The following PLOD1 variants were observed in gnomAD, a reference collection of about 807,000 sequenced individuals.
The protein encoded by PLOD1 is lysine hydroxylase.
PLOD1 carries 70 observed loss-of-function variants against 94.7 expected under a neutral mutation model. The observed-to-expected ratio is 0.74, with a 90% CI of 0.61 to 0.90. The LOEUF is 0.90. PLOD1 is among the 40% of genes least tolerant of loss of function. The pLI is 0.00. For missense variants in PLOD1, 905 were observed against 972.7 expected (o/e 0.93, Z 0.93); for synonymous variants, 417 against 400.2 (o/e 1.04, Z -0.50).
rs925044017 is a variant in PLOD1, at chr1:11,968,600, G to A, written c.1755+1509G>A. 8.7e-5 allele frequency among the ~76,000 whole-genome samples: 13 copies of A among 148,948 alleles called. No homozygotes were observed. In the East Asian group the frequency reaches 2.0e-3, roughly 23 times the overall value. On this transcript the variant is annotated intron_variant, in intron 16 of 18. Coordinates refer to ENST00000196061, the MANE Select transcript of PLOD1 (RefSeq NM_000302.4). ...GCCATCTCAGCTCACTGCAACCTCC[G>A]CCTCCCAGGTTCAAGCAGTTCTCTT...
In PLOD1 at chr1:11,958,546, G is replaced by C. The variant is rs143114026; in HGVS notation, c.874G>C (p.Val292Leu). 6.2e-7 allele frequency: 1 copy of C among 1,613,870 alleles called. No individual in the cohort carries two copies. Among genetic ancestry groups the C allele is most frequent in the African/African-American group, 1.3e-5 (1 of 75,018 alleles). ...DEALPTVLVGVFIEQPTPFVS... is the reference protein window; with the variant it reads ...DEALPTVLVGLFIEQPTPFVS... ...AGCTCTGCCCACGGTCCTGGTCGGC[G>C]TGTTCATCGAACAGCCCACGCCGTT... The change falls in exon 9 of 19, where the codon GTG becomes CTG. Residue 292 changes from valine to leucine, a missense_variant. Val to Leu is a conservative substitution (Grantham distance 32). Transcript: ENST00000196061. The surrounding 1 kb of genome is among the most constrained non-coding windows in gnomAD (Gnocchi z 4.3).
At chr1:11,949,153 CAGA>C (rs973693799) in intron 2 of PLOD1, among the ~76,000 whole-genome samples, 18 of 152,156 alleles carry the variant, frequency 1.2e-4, no homozygotes, top group East Asian at 3.9e-4. Flanking sequence ...TCAACTTCAG[CAGA>C]AGGAGACAGG....
intron 16 of PLOD1, among the ~76,000 whole-genome samples, chr1:11,967,659 T>TA (rs1491520648): frequency 1.7e-4 from 12 of 71,478 alleles, no homozygotes; most frequent in East Asian, 1.2e-3. Flanking sequence ...TATATATATA[T>TA]TTTTTTTAAA....
intron 1 of PLOD1, among the ~76,000 whole-genome samples, chr1:11,939,362 G>C (rs1251159371): frequency 6.6e-6 from 1 of 152,170 alleles, no homozygotes; most frequent in African/African-American, 2.4e-5. Context: ...TGAAGGATGG[G>C]GGAGGGGAGA....
At chr1:11,954,588 T>G in intron 5 of PLOD1, 2 of 750,656 alleles carry the variant, frequency 2.7e-6, no homozygotes, top group Non-Finnish European at 5.0e-6. Context: ...GCCGGCTGCA[T>G]TCTTAGATTC....
Position 11,958,528 on chromosome 1 carries a change from C to T in PLOD1, c.856C>T (p.Pro286Ser), listed in dbSNP as rs748920493. 91 of 1,613,662 alleles carry T rather than the reference C, an allele frequency of 5.6e-5. 1 individual carries two copies. The South Asian group carries it at 9.4e-4, about 17-fold the overall frequency. The change falls in exon 9 of 19, where the codon CCC becomes TCC. Residue 286 changes from proline to serine, a missense_variant. By Grantham distance (74) the Pro-to-Ser change is moderately conservative (BLOSUM62 -1). Transcript: ENST00000196061. The surrounding 1 kb of genome is among the most constrained non-coding windows in gnomAD (Gnocchi z 4.3). ...CTCCCTGGTGCAGGATGAAGCTCTGCCCACGGTCCTGGTCGGCGTGTTCAT... is the reference window on the plus strand; with the variant it reads ...CTCCCTGGTGCAGGATGAAGCTCTGTCCACGGTCCTGGTCGGCGTGTTCAT... ...SLKGIGDEAL[P>S]TVLVGVFIEQ...
In PLOD1 at chr1:11,969,331, T is replaced by G. The variant is rs552115891; in HGVS notation, c.1756-1339T>G. Among the ~76,000 whole-genome samples the G allele has an allele frequency of 2.0e-5, 3 of 152,268 alleles. 1 individual carries two copies. The highest frequency in any genetic ancestry group is 7.2e-5 in the African/African-American group (3 of 41,560). On this transcript the variant is annotated intron_variant, in intron 16 of 18. Coordinates refer to ENST00000196061, the MANE Select transcript of PLOD1 (RefSeq NM_000302.4). ...TAACAGAAATGTGTGTTCCCAAGTT[T>G]AAGGCACCGTTTTTAAAGGCACATG... is the stretch of plus-strand genomic sequence containing the variant.
At position 11,956,947 on chromosome 1, in the gene PLOD1, A is replaced by G. The variant is rs1176136454; in HGVS notation, c.674A>G (p.His225Arg). Residue 225 changes from histidine to arginine, a missense_variant, in exon 7 of 19, where the codon CAT becomes CGT. By Grantham distance (29) the His-to-Arg change is conservative (BLOSUM62 0). Coordinates refer to ENST00000196061, the MANE Select transcript of PLOD1 (RefSeq NM_000302.4). Reference sequence around the variant, plus strand: ...GTCGTGCTCAAGTTTGAAATGGGCCATGTGAGAGCGAGGAACCTGGCCTAT... The same window carrying G: ...GTCGTGCTCAAGTTTGAAATGGGCCGTGTGAGAGCGAGGAACCTGGCCTAT... ...DEVVLKFEMG[H>R]VRARNLAYDT... The G allele has an allele frequency of 1.9e-6, 3 of 1,613,846 alleles. No homozygotes were observed. Among genetic ancestry groups the G allele is most frequent in the Non-Finnish European group, 2.5e-6 (3 of 1,179,816 alleles).
rs185647114 is a variant in PLOD1, at chr1:11,965,288, C to T, written c.1471-192C>T. Among the ~76,000 whole-genome samples, 198 of 152,138 alleles carry T rather than the reference C, an allele frequency of 1.3e-3. 1 individual carries two copies. Among genetic ancestry groups the T allele is most frequent in the African/African-American group, 4.7e-3 (193 of 41,498 alleles). On this transcript the variant is annotated intron_variant, in intron 13 of 18. Transcript: ENST00000196061. Reference sequence around the variant, plus strand: ...AGTCCTCTGGGAAGACTTCCCTGATCACATTCTTAGTGTCAGGCCTGGGCT... The same window carrying T: ...AGTCCTCTGGGAAGACTTCCCTGATTACATTCTTAGTGTCAGGCCTGGGCT...
chr1:11,966,881 G>A (rs953858611), intron 15 of PLOD1, 106 bp from the exon 16 acceptor site: 19 of 788,974 alleles, frequency 2.4e-5, no homozygotes, highest in African/African-American at 8.4e-5. Flanking sequence ...CCTGCTCCCC[G>A]GGGACACTGG....
In PLOD1 at chr1:11,956,910, C is replaced by G; in HGVS notation, c.644-7C>G. The G allele has an allele frequency of 6.2e-7, 1 of 1,603,258 alleles. No individual in the cohort carries two copies. Among genetic ancestry groups the G allele is most frequent in the Non-Finnish European group, 8.5e-7 (1 of 1,170,150 alleles). On this transcript the variant is annotated splice_polypyrimidine_tract_variant and splice_region_variant and intron_variant, in intron 6 of 18. Coordinates refer to ENST00000196061, the MANE Select transcript of PLOD1 (RefSeq NM_000302.4). ...TGCTGGGTGGGACTGTGCTTTCTGA[C>G]CCCCAGATGAGGTCGTGCTCAAGTT...
chr1:11,969,020 ATTTTTTT>A (rs936449431), intron 16 of PLOD1, among the ~76,000 whole-genome samples: 10 of 118,848 alleles, frequency 8.4e-5, no homozygotes, highest in African/African-American at 2.4e-4. Context: ...ACCATGCCTA[ATTTTTTT>A]TTTTTTTTTT....
rs1056398577 is a variant in PLOD1 at position 11,957,942 on chromosome 1, G to T, written c.842G>T (p.Gly281Val). The T allele has an allele frequency of 2.5e-6, 4 of 1,601,384 alleles. No individual in the cohort carries two copies. The Admixed American group carries it at 5.0e-5, about 20-fold the overall frequency. The change falls in exon 8 of 19, where the codon GGG (glycine) becomes GTG (valine). Residue 281 changes from glycine (G) to valine (V), a missense_variant and splice_region_variant. Coordinates refer to ENST00000196061, the MANE Select transcript of PLOD1 (RefSeq NM_000302.4). The surrounding 1 kb of genome is among the most constrained non-coding windows in gnomAD (Gnocchi z 4.1). ...DEGLRSLKGI[G>V]DEALPTVLVG... ...GGCTTGCGCAGCCTCAAGGGCATTG[G>T]GGTGAGGCTGCGCCCAGGCCTGTGC...
chr1:11,952,844 T>C (rs1030025799), intron 5 of PLOD1, 109 bp downstream of exon 5: 10 of 748,670 alleles, frequency 1.3e-5, no homozygotes, highest in African/African-American at 1.7e-5. Context: ...TCTTAGTCTA[T>C]GCAGGCTGCT....
At position 11,949,825 on chromosome 1, in the gene PLOD1, G is replaced by A. The variant is rs2100743396; in HGVS notation, c.221G>A (p.Gly74Glu). 6.2e-7 allele frequency: 1 copy of A among 1,614,060 alleles called. No individual in the cohort carries two copies. Among genetic ancestry groups the A allele is most frequent in the Middle Eastern group, 1.6e-4 (1 of 6,062 alleles). The change falls in exon 3 of 19, where the codon GGA becomes GAA. Residue 74 changes from glycine to glutamate, a missense_variant. Transcript: ENST00000196061. ...WNVEKGTSAG[G>E]GQKVRLLKKA... ...GTGGAGAAGGGGACGTCGGCAGGTG[G>A]AGGGCAGAAGGTCCGGCTGCTGAAG...
chr1:11,957,297 C>G lies in PLOD1; in HGVS notation c.741+283C>G, dbSNP rs1645745905. On this transcript the variant is annotated intron_variant, in intron 7 of 18. Transcript: ENST00000196061. The surrounding 1 kb of genome is among the most constrained non-coding windows in gnomAD (Gnocchi z 4.1). ...TACCAGAGCCATCTGCACTGTCACC[C>G]CAGGGCAGAGTCACTTATTCACTCA... 2 of 648,502 alleles carry G rather than the reference C, an allele frequency of 3.1e-6. No homozygotes were observed. The highest frequency in any genetic ancestry group is 5.8e-6 in the Non-Finnish European group (2 of 342,246). The allele number at this position is 648,502 out of a possible 1,614,324, so 40.2% of individuals were successfully genotyped here. A position where few individuals can be genotyped will look rare whatever the true frequency, so the allele number is the denominator to read the frequency against.
intron 9 of PLOD1, among the ~76,000 whole-genome samples, chr1:11,959,618 A>ATTTTTTTTT: frequency 1.1e-5 from 1 of 93,116 alleles, no homozygotes; most frequent in Non-Finnish European, 2.4e-5. Flanking sequence ...AATTTTTTGT[A>ATTTTTTTTT]TTTTTTTTTT....
At chr1:11,955,785 G>A (rs565237771) in intron 6 of PLOD1, among the ~76,000 whole-genome samples, 26 of 151,946 alleles carry the variant, frequency 1.7e-4, no homozygotes, top group Non-Finnish European at 3.1e-4. Flanking sequence ...CACCATGCCC[G>A]GCTAATTTTT....
chr1:11,943,336 G>A (rs1225131937), intron 1 of PLOD1, among the ~76,000 whole-genome samples: 5 of 141,192 alleles, frequency 3.5e-5, no homozygotes, highest in Non-Finnish European at 6.0e-5. Flanking sequence ...TGTTCTTGTC[G>A]CCCAGGCCGG....
Sources: gnomAD v4.1 joint callset for allele counts (sites outside exome capture counted in the v4.1 genomes callset) on GRCh38, gnomAD v4.1.1 for gene constraint, Gnocchi (gnomAD v3.1) non-coding constraint, MANE v1.5 for transcripts, NCBI Gene and HGNC (gene_info 2026-07-23, HGNC 2026-07-21) for gene names.